ECI1: variants seen among roughly 807,000 people sequenced by gnomAD.
The protein encoded by ECI1 is enoyl-CoA delta isomerase 1, also known as enoyl-CoA delta isomerase 1, mitochondrial.
A neutral mutation model predicts 34.2 loss-of-function variants in ECI1; 34 were observed. The ratio of observed to expected loss-of-function variants is 1.00; its 90% CI spans 0.76 to 1.33. The LOEUF (loss-of-function observed/expected upper bound fraction) is 1.33, where lower values mean the gene tolerates loss of function less well. Among genes scored for constraint, ECI1 ranks in the 40% most tolerant of loss-of-function variants. The pLI is 0.00. For synonymous variants in ECI1, 211 were observed against 193.0 expected (o/e 1.09, Z -0.77); for missense variants, 456 against 422.2 (o/e 1.08, Z -0.70).
intron 6 of ECI1, 24 bp downstream of exon 6, chr16:2,243,022 C>A (rs199570556): frequency 6.3e-7 from 1 of 1,588,880 alleles, no homozygotes; most frequent in African/African-American, 1.3e-5. Flanking sequence ...CATCATCGGG[C>A]GCCCGCCATG....
intron 2 of ECI1, 52 bp from the exon 3 acceptor site, chr16:2,247,038 C>T (rs753290457): frequency 6.3e-7 from 1 of 1,597,954 alleles, no homozygotes; most frequent in Non-Finnish European, 8.5e-7. Flanking sequence ...GGAAAAGCAG[C>T]CTGACCAGCC....
At position 2,244,932 on chromosome 16, in the gene ECI1, T is replaced by C. The variant is rs147743004; in HGVS notation, c.295-380A>G. Among the ~76,000 whole-genome samples, 866 of 152,212 alleles carry C rather than the reference T, an allele frequency of 5.7e-3. 8 individuals are homozygous for C. The highest frequency in any genetic ancestry group is 0.019 in the African/African-American group (804 of 41,536). ...CAGAGGAGCTGCACGTTCTGAATCATTTACCCGCAAAGGGCCAAGCAAGCC... is the reference window on the plus strand; with the variant it reads ...CAGAGGAGCTGCACGTTCTGAATCACTTACCCGCAAAGGGCCAAGCAAGCC... On this transcript the variant is annotated intron_variant, in intron 3 of 6. Transcript: ENST00000301729.
intron 5 of ECI1, 44 bp downstream of exon 5, chr16:2,243,274 C>T: frequency 1.9e-6 from 3 of 1,613,350 alleles, no homozygotes; most frequent in Non-Finnish European, 2.5e-6. Flanking sequence ...GGGTCTGTTC[C>T]CTCCACAACA....
intron 3 of ECI1, among the ~76,000 whole-genome samples, chr16:2,246,420 T>G (rs1370186043): frequency 6.6e-6 from 1 of 152,102 alleles, no homozygotes; most frequent in African/African-American, 2.4e-5. Context: ...GGTGACCCCA[T>G]AGATGCATGG....
At chr16:2,250,121 T>C (rs891185416) in intron 2 of ECI1, among the ~76,000 whole-genome samples, 5 of 148,618 alleles carry the variant, frequency 3.4e-5, no homozygotes, top group African/African-American at 7.4e-5. Context: ...TTAGTGGGCA[T>C]AGTGGTGGGT....
intron 2 of ECI1, among the ~76,000 whole-genome samples, chr16:2,250,679 GGT>G (rs2141513034): frequency 6.6e-6 from 1 of 152,322 alleles, no homozygotes; most frequent in South Asian, 2.1e-4. Flanking sequence ...TTTTACCAAG[GGT>G]TCTGACGGGC....
intron 4 of ECI1, 29 bp downstream of exon 4, chr16:2,244,377 C>T (rs764019052): frequency 1.6e-5 from 26 of 1,608,796 alleles, no homozygotes; most frequent in Admixed American, 3.4e-5. Flanking sequence ...GAACAGCCAG[C>T]GAGGCCACCT....
Position 2,244,551 on chromosome 16 carries a change from T to C in ECI1, c.296A>G (p.Asp99Gly), listed in dbSNP as rs2093535938. ...KSFRGVILTS[D>G]RPGVFSAGLD... ...GCCGGCCGAGAAGACACCCGGGCGG[T>C]CCTGCAGGGGGAGCCGGGGCCACAT... Residue 99 changes from aspartate (D) to glycine (G), a missense_variant and splice_region_variant, in exon 4 of 7, where the codon GAC becomes GGC. Transcript: ENST00000301729. 1.3e-6 allele frequency: 2 copies of C among 1,582,492 alleles called. No individual in the cohort carries two copies. The highest frequency in any genetic ancestry group is 1.7e-6 in the Non-Finnish European group (2 of 1,164,898).
rs1338067915 is a variant in ECI1, at chr16:2,239,486, C to T, written c.*493G>A. ...ACAGCTGCCTCCAGAGTCCCACTCCCGCTGGCTCAGGATCCCCCAGTTGCT... is the reference window on the plus strand; with the variant it reads ...ACAGCTGCCTCCAGAGTCCCACTCCTGCTGGCTCAGGATCCCCCAGTTGCT... On this transcript the variant is annotated 3_prime_UTR_variant, in exon 7 of 7. Transcript: ENST00000301729. The T allele has an allele frequency of 2.7e-5, 5 of 187,380 alleles. No individual in the cohort carries two copies. Among genetic ancestry groups the T allele is most frequent in the African/African-American group, 7.1e-5 (3 of 42,380 alleles). 11.6% of individuals were successfully genotyped at this position (187,380 alleles called of 1,614,324 possible).
chr16:2,245,225 C>G (rs2093537521), intron 3 of ECI1, among the ~76,000 whole-genome samples: 1 of 152,224 alleles, frequency 6.6e-6, no homozygotes, highest in African/African-American at 2.4e-5. Context: ...GTACCTTCCC[C>G]TCTGCACAAC....
intron 3 of ECI1, among the ~76,000 whole-genome samples, chr16:2,245,932 T>G (rs558276988): frequency 1.3e-5 from 2 of 152,070 alleles, no homozygotes; most frequent in Admixed American, 6.5e-5. Flanking sequence ...GTCACTGTAC[T>G]CCAGCCTGGG....
chr16:2,245,580 C>T (rs1385612223), intron 3 of ECI1, among the ~76,000 whole-genome samples: 1 of 152,172 alleles, frequency 6.6e-6, no homozygotes, highest in Non-Finnish European at 1.5e-5. Context: ...TTACTCAAAA[C>T]CCAGGCCTGG....
At chr16:2,241,857 ATTT>A (rs34621850) in intron 6 of ECI1, 1,956 of 131,764 alleles carry the variant, frequency 0.015, 47 homozygotes, top group African/African-American at 0.052. Context: ...CGCCCGGCTC[ATTT>A]TTTTTTTTTT....
At chr16:2,240,217 A>AT (rs778634273) in intron 6 of ECI1, 72 bp from the exon 7 acceptor site, 33,618 of 1,298,456 alleles carry the variant, frequency 0.026, 50 homozygotes, top group Non-Finnish European at 0.029. Context: ...CTTATTTTTT[A>AT]TTTTTATTTT....
Position 2,251,576 on chromosome 16 carries a change from A to G in ECI1, c.-10T>C. The G allele has an allele frequency of 6.4e-7, 1 of 1,552,984 alleles. No homozygotes were observed. The highest frequency in any genetic ancestry group is 8.7e-7 in the Non-Finnish European group (1 of 1,148,994). On this transcript the variant is annotated 5_prime_UTR_variant, in exon 1 of 7. Transcript: ENST00000301729. ...AAGCCACCAGCGCCATCTTGACCGC[A>G]ACGCGCGGGATAAAGGTCGCGGGCT... is the stretch of plus-strand genomic sequence containing the variant.
At chr16:2,241,135 AGAGG>A (rs1451488006) in intron 6 of ECI1, 1 of 146,126 alleles carries the variant, frequency 6.8e-6, no homozygotes, top group Non-Finnish European at 1.5e-5. Flanking sequence ...AGCCTGAGCA[AGAGG>A]GAGACTCCAT....
intron 6 of ECI1, 24 bp downstream of exon 6, chr16:2,243,022 C>T (rs199570556): frequency 5.2e-5 from 82 of 1,588,998 alleles, no homozygotes; most frequent in East Asian, 3.1e-4. Context: ...CATCATCGGG[C>T]GCCCGCCATG....
intron 6 of ECI1, chr16:2,242,558 T>C (rs1425554240): frequency 1.1e-5 from 2 of 184,484 alleles, no homozygotes; most frequent in Non-Finnish European, 2.3e-5. Flanking sequence ...AACTTGGAAG[T>C]GTGACCTTAT....
intron 2 of ECI1, among the ~76,000 whole-genome samples, chr16:2,250,125 G>C (rs2093549708): frequency 6.7e-6 from 1 of 149,480 alleles, no homozygotes. Flanking sequence ...TGGGCATAGT[G>C]GTGGGTCCCT....
Sources: gnomAD v4.1 joint callset for allele counts (sites outside exome capture counted in the v4.1 genomes callset) on GRCh38, gnomAD v4.1.1 for gene constraint, MANE v1.5 for transcripts, NCBI Gene and HGNC (gene_info 2026-07-23, HGNC 2026-07-21) for gene names.